Variants in ARHGEF4 observed in about 807,000 individuals in gnomAD.
ARHGEF4 encodes the protein APC-stimulated guanine nucleotide exchange factor 1.
ARHGEF4 carries 119 observed loss-of-function variants against 162.0 expected under a neutral mutation model. That is an observed-to-expected ratio of 0.73 (90% CI 0.63 to 0.86). The LOEUF (loss-of-function observed/expected upper bound fraction) is 0.86. ARHGEF4 is among the 40% of genes least tolerant of loss of function. The pLI is 0.00. For missense variants in ARHGEF4, 2,488 were observed against 2,456.0 expected, an observed-to-expected ratio of 1.01 and a Z score of -0.28; for synonymous variants, 1,014 against 979.9, an observed-to-expected ratio of 1.03 and a Z score of -0.65.
intron 1 of ARHGEF4, among the ~76,000 whole-genome samples, chr2:130,853,594 G>A (rs1284671219): frequency 6.6e-6 from 1 of 152,218 alleles, no homozygotes; most frequent in African/African-American, 2.4e-5. Flanking sequence ...TGCTGAGCCA[G>A]GTGTGGGCTG....
chr2:130,944,050 C>G (rs947621952), intron 3 of ARHGEF4, among the ~76,000 whole-genome samples: 4 of 152,176 alleles, frequency 2.6e-5, no homozygotes, highest in African/African-American at 9.6e-5. Flanking sequence ...CCTGAACATA[C>G]TTTTGCTGGA....
chr2:130,872,450 C>T (rs1678550676), intron 1 of ARHGEF4, among the ~76,000 whole-genome samples: 1 of 152,090 alleles, frequency 6.6e-6, no homozygotes. Context: ...CAGGGTCCCC[C>T]CAGGCCCCCT....
At chr2:130,846,775 G>T (rs1007327318) in intron 1 of ARHGEF4, among the ~76,000 whole-genome samples, 1 of 152,162 alleles carries the variant, frequency 6.6e-6, no homozygotes, top group African/African-American at 2.4e-5. Flanking sequence ...GCATTGATGG[G>T]GCTTCTGTGG....
intron 1 of ARHGEF4, among the ~76,000 whole-genome samples, chr2:130,881,527 A>G (rs4850255): frequency 6.6e-6 from 1 of 150,910 alleles, no homozygotes; most frequent in African/African-American, 2.5e-5. Flanking sequence ...GTCCAAATAT[A>G]TGACATTCAA....
intron 2 of ARHGEF4, among the ~76,000 whole-genome samples, chr2:130,923,422 G>T (rs1380291758): frequency 6.6e-6 from 1 of 152,102 alleles, no homozygotes; most frequent in Non-Finnish European, 1.5e-5. Flanking sequence ...CTGTTTGTCC[G>T]TCCTTCTGAC....
At chr2:131,034,593 T>C (rs1248653812) in intron 5 of ARHGEF4, among the ~76,000 whole-genome samples, 1 of 152,228 alleles carries the variant, frequency 6.6e-6, no homozygotes, top group Non-Finnish European at 1.5e-5. Flanking sequence ...CCACGTTTAC[T>C]CATCTGTGAA....
intron 4 of ARHGEF4, among the ~76,000 whole-genome samples, chr2:131,021,748 C>G (rs1253383711): frequency 6.6e-6 from 1 of 152,210 alleles, no homozygotes; most frequent in Non-Finnish European, 1.5e-5. Context: ...CGTTCCTCAT[C>G]TTAGTGATAC....
intron 1 of ARHGEF4, among the ~76,000 whole-genome samples, chr2:130,900,918 G>A (rs1680448420): frequency 6.6e-6 from 1 of 152,140 alleles, no homozygotes. Context: ...CATTTGCAAT[G>A]CTATCCTGGT....
Position 131,040,452 on chromosome 2 carries a change from G to C in ARHGEF4, c.4662+12G>C. 6.5e-7 allele frequency: 1 copy of C among 1,548,342 alleles called. No individual in the cohort carries two copies. The stretch of plus-strand genomic sequence containing the variant: ...GCTTCCTGGAGCATGTGAGCGCGCG[G>C]CCCCCGGCCCCTACCTGGGCGCTGC... On this transcript the variant is annotated intron_variant, in intron 8 of 13. Coordinates refer to ENST00000409359, the MANE Select transcript of ARHGEF4 (RefSeq NM_001367493.1).
Position 130,916,147 on chromosome 2 carries a change from G to A in ARHGEF4, c.2201G>A (p.Gly734Glu), listed in dbSNP as rs1435048325. 14 of 1,549,072 alleles carry A rather than the reference G, an allele frequency of 9.0e-6. No individual in the cohort carries two copies. The South Asian group carries it at 1.3e-4, about 14-fold the overall frequency. Residue 734 changes from glycine to glutamate, a missense_variant, in exon 2 of 14, where the codon GGA becomes GAA. Coordinates refer to ENST00000409359, the MANE Select transcript of ARHGEF4 (RefSeq NM_001367493.1). ...EETPSTEEPP[G>E]ERLRGESRSS... ...ACGCCGAGCACAGAGGAGCCCCCGGGAGAGAGACTGCGTGGGGAGAGCCGG... is the reference window on the plus strand; with the variant it reads ...ACGCCGAGCACAGAGGAGCCCCCGGAAGAGAGACTGCGTGGGGAGAGCCGG...
intron 1 of ARHGEF4, among the ~76,000 whole-genome samples, chr2:130,846,262 C>T (rs533442978): frequency 8.5e-5 from 13 of 152,308 alleles, no homozygotes; most frequent in African/African-American, 2.2e-4. Flanking sequence ...TGGCTGGTGC[C>T]GCCAGGGCCT....
Position 131,005,591 on chromosome 2 carries a change from C to T in ARHGEF4, c.3986-22354C>T, listed in dbSNP as rs139136899. 4.0e-3 allele frequency among the ~76,000 whole-genome samples: 615 copies of T among 152,298 alleles called. 8 individuals are homozygous for T. Among genetic ancestry groups the T allele is most frequent in the African/African-American group, 0.014 (586 of 41,568 alleles). On this transcript the variant is annotated intron_variant, in intron 4 of 13. Coordinates refer to ENST00000409359, the MANE Select transcript of ARHGEF4 (RefSeq NM_001367493.1). ...AAAAGCTGGGACCCTGGAGATGCTT[C>T]CCAGGCTGCCCTAGTCTTCCCAGTC... is the stretch of plus-strand genomic sequence containing the variant.
At chr2:130,891,221 G>A (rs1223629727) in intron 1 of ARHGEF4, among the ~76,000 whole-genome samples, 1 of 152,200 alleles carries the variant, frequency 6.6e-6, no homozygotes, top group Non-Finnish European at 1.5e-5. Flanking sequence ...ACAAGATTAA[G>A]CAGATATTTA....
intron 4 of ARHGEF4, among the ~76,000 whole-genome samples, chr2:130,997,317 AG>A (rs1687459026): frequency 1.3e-5 from 2 of 152,172 alleles, no homozygotes; most frequent in Admixed American, 6.5e-5. Flanking sequence ...AATACTTTAA[AG>A]CATCTATCTG....
At chr2:130,876,395 T>G (rs1468527687) in intron 1 of ARHGEF4, among the ~76,000 whole-genome samples, 1 of 152,136 alleles carries the variant, frequency 6.6e-6, no homozygotes, top group Admixed American at 6.5e-5. Context: ...ATGAGCATCT[T>G]TTTTTTGTTT....
intron 3 of ARHGEF4, among the ~76,000 whole-genome samples, chr2:130,936,236 C>T (rs2105118895): frequency 6.6e-6 from 1 of 152,292 alleles, no homozygotes. Flanking sequence ...ACCTCTATTT[C>T]CTCACTGACC....
intron 4 of ARHGEF4, chr2:131,011,885 G>A (rs1318744642): frequency 5.7e-6 from 4 of 703,626 alleles, no homozygotes; most frequent in Non-Finnish European, 1.0e-5. Flanking sequence ...CGGCGGAGGG[G>A]CAGAGATGGG....
intron 5 of ARHGEF4, chr2:131,035,165 A>T: frequency 8.2e-7 from 1 of 1,217,606 alleles, no homozygotes; most frequent in South Asian, 4.1e-5. Flanking sequence ...CTGCGCTGCA[A>T]CCTGCCCCCC....
chr2:131,021,767 G>A (rs567284218), intron 4 of ARHGEF4, among the ~76,000 whole-genome samples: 15 of 152,266 alleles, frequency 9.9e-5, no homozygotes, highest in East Asian at 5.8e-4. Context: ...ACAGCTTTCC[G>A]TCTTCCATCG....
Sources: gnomAD v4.1 joint callset for allele counts (sites outside exome capture counted in the v4.1 genomes callset) on GRCh38, gnomAD v4.1.1 for gene constraint, MANE v1.5 for transcripts, NCBI Gene and HGNC (gene_info 2026-07-23, HGNC 2026-07-21) for gene names.